MAPKAPK5: variants seen among roughly 807,000 people sequenced by gnomAD.
MAPKAPK5 encodes MAPK activated protein kinase 5.
Under a neutral mutation model 65.1 loss-of-function variants are expected in MAPKAPK5, and 30 were observed. The observed-to-expected ratio is 0.46, with a 90% confidence interval of 0.34 to 0.63. MAPKAPK5 has a LOEUF of 0.63. Among genes scored for constraint, MAPKAPK5 ranks in the 20% least tolerant of loss-of-function variants. The probability of loss-of-function intolerance (pLI) is 0.01; values close to 1 mark genes in which losing one functional copy is unlikely to be tolerated. For synonymous variants in MAPKAPK5, 179 were observed against 204.6 expected, an observed-to-expected ratio of 0.87 and a Z score of 1.07; for missense variants, 433 against 581.4, an observed-to-expected ratio of 0.74 and a Z score of 2.63.
intron 4 of MAPKAPK5, among the ~76,000 whole-genome samples, chr12:111,868,227 G>A (rs1400093926): frequency 6.6e-6 from 1 of 152,170 alleles, no homozygotes; most frequent in African/African-American, 2.4e-5. Context: ...ATTAAATAAG[G>A]TATGGTTTTT....
At position 111,883,476 on chromosome 12, in the gene MAPKAPK5, T is replaced by G. The variant is rs1355979958; in HGVS notation, c.661-105T>G. On this transcript the variant is annotated intron_variant, in intron 8 of 13. Coordinates refer to ENST00000550735, the MANE Select transcript of MAPKAPK5 (RefSeq NM_003668.4). The surrounding 1 kb of genome is among the most constrained non-coding windows in gnomAD (Gnocchi z 4.8). ...TAGTCTCTGTTAAGTGACTCTAGTT[T>G]ATATCAGCCTATATATTGCAGGGGC... 1.1e-6 allele frequency: 1 copy of G among 896,826 alleles called. No homozygotes were observed. The highest frequency in any genetic ancestry group is 1.7e-6 in the Non-Finnish European group (1 of 576,982). 55.6% of individuals were successfully genotyped at this position (896,826 alleles called of 1,614,324 possible). A position where few individuals can be genotyped will look rare whatever the true frequency, so the allele number is the denominator to read the frequency against.
chr12:111,871,404 G>A (rs1190732769), intron 7 of MAPKAPK5, among the ~76,000 whole-genome samples: 1 of 152,132 alleles, frequency 6.6e-6, no homozygotes, highest in Non-Finnish European at 1.5e-5. Context: ...ACTTTGGGAG[G>A]CTGAGGCGGG....
chr12:111,888,123 G>A (rs762602844), intron 10 of MAPKAPK5: 2 of 231,270 alleles, frequency 8.6e-6, no homozygotes, highest in African/African-American at 2.3e-5. Context: ...AATCAATACC[G>A]TCTGTAAGGC....
At chr12:111,889,723 C>T (rs1161519297) in intron 12 of MAPKAPK5, 14 of 249,316 alleles carry the variant, frequency 5.6e-5, no homozygotes, top group Non-Finnish European at 9.6e-5. Context: ...AGCCCACTCT[C>T]CCACTTTTTG....
chr12:111,849,931 C>T (rs981342876), intron 1 of MAPKAPK5, among the ~76,000 whole-genome samples: 75 of 151,192 alleles, frequency 5.0e-4, no homozygotes, highest in African/African-American at 1.8e-3. Flanking sequence ...ACTGTGTAGC[C>T]CAGGCTGGTC....
intron 7 of MAPKAPK5, among the ~76,000 whole-genome samples, chr12:111,877,007 G>GTTTTAA (rs1593166821): frequency 6.6e-6 from 1 of 151,042 alleles, no homozygotes; most frequent in African/African-American, 2.4e-5. Context: ...TTTCATTGTG[G>GTTTTAA]TTTTAATTTT....
rs756919484 is a variant in MAPKAPK5, at chr12:111,867,649, T to A, written c.264T>A (p.Phe88Leu). The change falls in exon 4 of 14, where the codon TTT (phenylalanine) becomes TTA (leucine). Residue 88 changes from phenylalanine (F) to leucine (L), a missense_variant. Transcript: ENST00000550735. ...AAGTGTTTGCTAACAGTGTCCAGTT[T>A]CCCCATGAGTCCAGCCCTAGGTAAG... ...IIEVFANSVQ[F>L]PHESSPRARL... 1 of 1,613,732 alleles carries A rather than the reference T, an allele frequency of 6.2e-7. No homozygotes were observed. The highest frequency in any genetic ancestry group is 8.5e-7 in the Non-Finnish European group (1 of 1,179,754).
chr12:111,863,957 C>T (rs1162325027), intron 1 of MAPKAPK5, among the ~76,000 whole-genome samples: 1 of 151,954 alleles, frequency 6.6e-6, no homozygotes, highest in Non-Finnish European at 1.5e-5. Flanking sequence ...CCTGTGGAAG[C>T]CTGCAAAAAT....
chr12:111,878,755 A>G (rs1654513734), intron 7 of MAPKAPK5, among the ~76,000 whole-genome samples: 1 of 152,006 alleles, frequency 6.6e-6, no homozygotes, highest in Non-Finnish European at 1.5e-5. Flanking sequence ...CTCAGAAGCA[A>G]CCGTTCATGA....
intron 7 of MAPKAPK5, among the ~76,000 whole-genome samples, chr12:111,877,660 T>C (rs2070034749): frequency 6.6e-6 from 1 of 152,126 alleles, no homozygotes; most frequent in South Asian, 2.1e-4. Context: ...GAGAGTTCTT[T>C]GTATATTTCA....
rs1314266441 is a variant in MAPKAPK5, at chr12:111,888,472, C to T, written c.970-16C>T. On this transcript the variant is annotated splice_polypyrimidine_tract_variant and intron_variant, in intron 10 of 13. Transcript: ENST00000550735. ...AGCAATGAATATGAAAAACTGACGG[C>T]AGTGTTTGCATTCAGGCAGTGGTTG... The T allele has an allele frequency of 6.2e-7, 1 of 1,611,800 alleles. No individual in the cohort carries two copies. Among genetic ancestry groups the T allele is most frequent in the Admixed American group, 1.7e-5 (1 of 59,380 alleles).
At chr12:111,852,803 T>A (rs187936186) in intron 1 of MAPKAPK5, among the ~76,000 whole-genome samples, 2 of 152,224 alleles carry the variant, frequency 1.3e-5, no homozygotes, top group Admixed American at 1.3e-4. Flanking sequence ...AGACAGAGTC[T>A]CACTCTGTCT....
At chr12:111,874,433 T>C (rs2069886641) in intron 7 of MAPKAPK5, among the ~76,000 whole-genome samples, 2 of 151,296 alleles carry the variant, frequency 1.3e-5, no homozygotes, top group African/African-American at 4.8e-5. Flanking sequence ...TTAACTAGTT[T>C]ATAGAAATAC....
chr12:111,856,104 C>T (rs1297367761), intron 1 of MAPKAPK5, among the ~76,000 whole-genome samples: 1 of 151,982 alleles, frequency 6.6e-6, no homozygotes, highest in African/African-American at 2.4e-5. Flanking sequence ...ATCTGCCCAC[C>T]TTGGCCTCCC....
chr12:111,850,412 T>C (rs886854323), intron 1 of MAPKAPK5, among the ~76,000 whole-genome samples: 4 of 152,198 alleles, frequency 2.6e-5, no homozygotes, highest in Non-Finnish European at 5.9e-5. Flanking sequence ...TAGACTCTAA[T>C]ATTTTTCGAG....
chr12:111,901,669 G>A lies in MAPKAPK5; in HGVS notation c.*8608G>A. The A allele has an allele frequency of 3.8e-6, 1 of 265,524 alleles. No homozygotes were observed. Among genetic ancestry groups the A allele is most frequent in the South Asian group, 3.9e-5 (1 of 25,926 alleles). The allele number at this position is 265,524 out of a possible 1,614,324, so 16.4% of individuals were successfully genotyped here. ...AGAAGGAGGAAGAAAAAGAAGAGGAGGAGGAGGAAGAAGAGGAGGAAGAAT... is the reference window on the plus strand; with the variant it reads ...AGAAGGAGGAAGAAAAAGAAGAGGAAGAGGAGGAAGAAGAGGAGGAAGAAT... On this transcript the variant is annotated 3_prime_UTR_variant, in exon 14 of 14. Transcript: ENST00000550735.
Position 111,895,796 on chromosome 12 carries a change from TG to T in MAPKAPK5, c.*2738del, listed in dbSNP as rs1566288660. 3 of 152,302 alleles carry T rather than the reference TG, an allele frequency of 2.0e-5. No individual in the cohort carries two copies. Among genetic ancestry groups the T allele is most frequent in the Non-Finnish European group, 4.4e-5 (3 of 68,034 alleles). 9.4% of individuals were successfully genotyped at this position (152,302 alleles called of 1,614,324 possible). A position where few individuals can be genotyped will look rare whatever the true frequency, so the allele number is the denominator to read the frequency against. ...CGCCCACCTCGGCCTCCCAAAGTGC[TG>T]GGATTACAGGCGTGAGCCACCGTGC... On this transcript the variant is annotated 3_prime_UTR_variant, in exon 14 of 14. Transcript: ENST00000550735.
At chr12:111,868,918 T>C (rs1010361065) in intron 5 of MAPKAPK5, 57 bp downstream of exon 5, 1 of 1,286,930 alleles carries the variant, frequency 7.8e-7, no homozygotes, top group Non-Finnish European at 1.1e-6. Context: ...ACAAGCACAA[T>C]TTCATTGGGG....
chr12:111,889,074 A>C, intron 12 of MAPKAPK5, 74 bp downstream of exon 12: 1 of 1,465,084 alleles, frequency 6.8e-7, no homozygotes, highest in Admixed American at 2.1e-5. Context: ...GGGTGTATGC[A>C]TGCACATGGC....
Sources: allele counts gnomAD v4.1 joint callset (sites outside exome capture counted in the v4.1 genomes callset), GRCh38; gene constraint gnomAD v4.1.1; non-coding constraint Gnocchi (gnomAD v3.1); transcripts MANE v1.5; gene names NCBI Gene and HGNC (gene_info 2026-07-23, HGNC 2026-07-21).